ZFPM1: variants seen among roughly 807,000 people sequenced by gnomAD.
The protein encoded by ZFPM1 is zinc finger protein, FOG family member 1, also known as zinc finger protein ZFPM1.
Under a neutral mutation model 46.3 loss-of-function variants are expected in ZFPM1, and 28 were observed. The observed-to-expected ratio is 0.60, with a 90% CI of 0.45 to 0.83. The LOEUF is 0.83. ZFPM1 is among the 40% of genes least tolerant of loss of function. The pLI is 0.00. For missense variants in ZFPM1, 1,878 were observed against 1,432.4 expected (o/e 1.31, Z -5.02); for synonymous variants, 957 against 675.9 (o/e 1.42, Z -6.45).
Position 88,533,935 on chromosome 16 carries a change from C to T in ZFPM1, c.1977C>T (p.Gly659=). The T allele has an allele frequency of 1.6e-6, 2 of 1,256,674 alleles. No homozygotes were observed. Among genetic ancestry groups the T allele is most frequent in the Admixed American group, 3.0e-5 (1 of 32,976 alleles). 77.8% of individuals were successfully genotyped at this position (1,256,674 alleles called of 1,614,324 possible). ...CGGCCACGCCCGAGGACGGCGCGGG[C>T]GGCCGGGGCAGCGAGGGCAGCCAGA... ...GGAATPEDGA[G]GRGSEGSQSP... Residue 659 remains glycine (G), a synonymous_variant, in exon 10 of 10, where the codon GGC becomes GGT. Coordinates refer to ENST00000319555, the MANE Select transcript of ZFPM1 (RefSeq NM_153813.3).
At chr16:88,515,762 T>TCA (rs1911258522) in intron 4 of ZFPM1, among the ~76,000 whole-genome samples, 1 of 152,208 alleles carries the variant, frequency 6.6e-6, no homozygotes, top group Admixed American at 6.5e-5. Flanking sequence ...GAGCCACATT[T>TCA]CAGCTCCACC....
At position 88,531,999 on chromosome 16, in the gene ZFPM1, C is replaced by T; in HGVS notation, c.713-3C>T. On this transcript the variant is annotated splice_region_variant and splice_polypyrimidine_tract_variant and intron_variant, in intron 6 of 9. Coordinates refer to ENST00000319555, the MANE Select transcript of ZFPM1 (RefSeq NM_153813.3). ...CTGACCCCGCCTGCTTCCCACCCCA[C>T]AGAAGACGTCTTCCCCTGCAAGGAC... The T allele has an allele frequency of 6.3e-7, 1 of 1,595,472 alleles. No homozygotes were observed. The highest frequency in any genetic ancestry group is 2.3e-5 in the East Asian group (1 of 44,384).
chr16:88,458,829 C>G (rs1412885141), intron 1 of ZFPM1, among the ~76,000 whole-genome samples: 3 of 152,328 alleles, frequency 2.0e-5, no homozygotes, highest in Admixed American at 2.0e-4. Context: ...CCACCCTACA[C>G]TCAGGCAGGA....
rs970827988 is a variant in ZFPM1 at position 88,453,510 on chromosome 16, G to A, written c.-129G>A. 2 of 327,614 alleles carry A rather than the reference G, an allele frequency of 6.1e-6. No individual in the cohort carries two copies. Among genetic ancestry groups the A allele is most frequent in the African/African-American group, 2.3e-5 (1 of 44,100 alleles). 20.3% of individuals were successfully genotyped at this position (327,614 alleles called of 1,614,324 possible). ...CTGGGCGCGCGGGCTGGGGGCGCGG[G>A]CCGGGGCGGCCGCGGAGACCGGGGG... On this transcript the variant is annotated 5_prime_UTR_variant, in exon 1 of 10. Coordinates refer to ENST00000319555, the MANE Select transcript of ZFPM1 (RefSeq NM_153813.3).
chr16:88,514,374 T>C lies in ZFPM1; in HGVS notation c.269-13T>C, dbSNP rs1437259538. The stretch of plus-strand genomic sequence containing the variant: ...GACCGGGCACGCCTCATGCCTGCGA[T>C]GTCTCTCTGCAGACGAGCTGGAGCC... On this transcript the variant is annotated splice_polypyrimidine_tract_variant and intron_variant, in intron 3 of 9. Coordinates refer to ENST00000319555, the MANE Select transcript of ZFPM1 (RefSeq NM_153813.3). 2 of 1,563,208 alleles carry C rather than the reference T, an allele frequency of 1.3e-6. No homozygotes were observed. Among genetic ancestry groups the C allele is most frequent in the East Asian group, 2.4e-5 (1 of 42,082 alleles).
chr16:88,464,039 G>A (rs1317879382), intron 1 of ZFPM1, among the ~76,000 whole-genome samples: 1 of 152,234 alleles, frequency 6.6e-6, no homozygotes, highest in Non-Finnish European at 1.5e-5. Flanking sequence ...CTTGATCGAG[G>A]TGTTTGTTCT....
At chr16:88,519,324 GATGGATGAGTGGATAGATGA>G (rs1325894986) in intron 4 of ZFPM1, among the ~76,000 whole-genome samples, 10 of 150,092 alleles carry the variant, frequency 6.7e-5, no homozygotes, top group Non-Finnish European at 1.0e-4. Flanking sequence ...GGAGTGGATA[GATGGATGAGTGGATAGATGA>G]ATGGATGAGT....
intron 4 of ZFPM1, among the ~76,000 whole-genome samples, chr16:88,517,180 AGATGGATGGATGGATG>A (rs72281150): frequency 7.3e-4 from 67 of 92,190 alleles, no homozygotes; most frequent in East Asian, 4.6e-3. Context: ...ATGGATGGGT[AGATGGATGGATGGATG>A]GATGGATGGA....
chr16:88,485,959 G>T lies in ZFPM1; in HGVS notation c.61G>T (p.Ala21Ser). 5 of 1,612,892 alleles carry T rather than the reference G, an allele frequency of 3.1e-6. No homozygotes were observed. Among genetic ancestry groups the T allele is most frequent in the Non-Finnish European group, 4.2e-6 (5 of 1,179,864 alleles). The change falls in exon 2 of 10, where the codon GCC becomes TCC. Residue 21 changes from alanine to serine, a missense_variant. Transcript: ENST00000319555. ...QIKRSLGDME[A>S]REEVQLVGAS... ...CACAGGTTCCCTCGGAGACATGGAG[G>T]CCAGAGAGGAGGTGCAGTTGGTGGG...
chr16:88,531,234 G>A (rs1484844212), intron 6 of ZFPM1, among the ~76,000 whole-genome samples: 2 of 152,206 alleles, frequency 1.3e-5, no homozygotes, highest in Non-Finnish European at 2.9e-5. Context: ...TGGGCAGATG[G>A]GGCAGGGCTC....
chr16:88,453,315 T>TC lies in ZFPM1; in HGVS notation c.-322dup. 1 of 145,840 alleles carries TC rather than the reference T, an allele frequency of 6.9e-6. No homozygotes were observed. The highest frequency in any genetic ancestry group is 2.0e-4 in the East Asian group (1 of 4,906). 9.0% of individuals were successfully genotyped at this position (145,840 alleles called of 1,614,324 possible). A position where few individuals can be genotyped will look rare whatever the true frequency, so the allele number is the denominator to read the frequency against. On this transcript the variant is annotated 5_prime_UTR_variant, in exon 1 of 10. Coordinates refer to ENST00000319555, the MANE Select transcript of ZFPM1 (RefSeq NM_153813.3). ...GAGCGCCCTCGCAGTGGCCGCCTGC[T>TC]CCGCCGCTCGCCGCCCGCGGGTTCC...
At chr16:88,502,468 G>C (rs576016033) in intron 3 of ZFPM1, among the ~76,000 whole-genome samples, 1 of 152,112 alleles carries the variant, frequency 6.6e-6, no homozygotes, top group African/African-American at 2.4e-5. Context: ...CCTGTGGGCC[G>C]CCCGGGGCCA....
At chr16:88,461,135 AG>A in intron 1 of ZFPM1, among the ~76,000 whole-genome samples, 1 of 78,594 alleles carries the variant, frequency 1.3e-5, no homozygotes, top group East Asian at 4.2e-4. Flanking sequence ...ATGGGGCGGG[AG>A]ACCTGGTGAG....
At chr16:88,456,861 G>A (rs1399891119) in intron 1 of ZFPM1, among the ~76,000 whole-genome samples, 1 of 152,162 alleles carries the variant, frequency 6.6e-6, no homozygotes, top group South Asian at 2.1e-4. Context: ...ACTTTGCAGT[G>A]GAAGGGCCCA....
chr16:88,467,535 T>C (rs1672104069), intron 1 of ZFPM1, among the ~76,000 whole-genome samples: 1 of 152,160 alleles, frequency 6.6e-6, no homozygotes, highest in Non-Finnish European at 1.5e-5. Flanking sequence ...CCTCTCAGAG[T>C]CCTTTCAAGG....
At position 88,471,190 on chromosome 16, in the gene ZFPM1, G is replaced by A. The variant is rs911155250; in HGVS notation, c.41-14749G>A. Among the ~76,000 whole-genome samples, 2 of 151,146 alleles carry A rather than the reference G, an allele frequency of 1.3e-5. No homozygotes were observed. The highest frequency in any genetic ancestry group is 4.9e-5 in the African/African-American group (2 of 40,418). ...TCTCCACTTACTCCGCCCTGACCGC[G>A]ATGGGCACTGAGAATTCAGACAAGA... On this transcript the variant is annotated intron_variant, in intron 1 of 9. Coordinates refer to ENST00000319555, the MANE Select transcript of ZFPM1 (RefSeq NM_153813.3). The surrounding 1 kb of genome is among the most constrained non-coding windows in gnomAD (Gnocchi z 4.1).
At position 88,534,547 on chromosome 16, in the gene ZFPM1, C is replaced by CCCG. The variant is rs1211291221; in HGVS notation, c.2590_2592dup (p.Pro864dup). Reference sequence around the variant, plus strand: ...CCTGCCCCTACTGCCCCCCGAACGGCCCGGTGCGCGGGGACCTGCTGGAGC... The same window carrying CCCG: ...CCTGCCCCTACTGCCCCCCGAACGGCCCGCCGGTGCGCGGGGACCTGCTGGAGC... On this transcript the variant is annotated inframe_insertion, in exon 10 of 10. Coordinates refer to ENST00000319555, the MANE Select transcript of ZFPM1 (RefSeq NM_153813.3). 8 of 1,366,778 alleles carry CCCG rather than the reference C, an allele frequency of 5.9e-6. No individual in the cohort carries two copies. Among genetic ancestry groups the CCCG allele is most frequent in the Non-Finnish European group, 7.5e-6 (8 of 1,062,474 alleles). 84.7% of individuals were successfully genotyped at this position (1,366,778 alleles called of 1,614,324 possible).
chr16:88,517,743 TGGGTGGGTGGCTGAAA>T (rs1319966135), intron 4 of ZFPM1, among the ~76,000 whole-genome samples: 1 of 100,266 alleles, frequency 1.0e-5, no homozygotes, highest in African/African-American at 4.3e-5. Flanking sequence ...GATGAATGAA[TGGGTGGGTGGCTGAAA>T]GGGTGGGTGG....
At chr16:88,528,329 T>C in intron 6 of ZFPM1, 91 bp downstream of exon 6, 1 of 1,370,282 alleles carries the variant, frequency 7.3e-7, no homozygotes, top group Non-Finnish European at 9.8e-7. Flanking sequence ...GGTGGGAAGC[T>C]CGGGGGCTGC....
Sources: allele counts gnomAD v4.1 joint callset (sites outside exome capture counted in the v4.1 genomes callset), GRCh38; gene constraint gnomAD v4.1.1; non-coding constraint Gnocchi (gnomAD v3.1); transcripts MANE v1.5; gene names NCBI Gene and HGNC (gene_info 2026-07-23, HGNC 2026-07-21).